The following CARMIL1 variants were observed in gnomAD, a reference collection of about 807,000 sequenced individuals.
CARMIL1 encodes the protein capping protein regulator and myosin 1 linker 1.
A neutral mutation model predicts 177.1 loss-of-function variants in CARMIL1; 90 were observed. The ratio of observed to expected loss-of-function variants is 0.51; its 90% CI spans 0.43 to 0.61. CARMIL1 has a LOEUF of 0.61. CARMIL1 is among the 20% of genes least tolerant of loss of function. The pLI is 0.00. For synonymous variants in CARMIL1, 577 were observed against 606.2 expected (o/e 0.95, Z 0.71); for missense variants, 1,380 against 1,667.0 (o/e 0.83, Z 3.00).
intron 26 of CARMIL1, among the ~76,000 whole-genome samples, chr6:25,544,641 ACACACC>A (rs1321463014): frequency 1.4e-5 from 2 of 143,990 alleles, no homozygotes; most frequent in Admixed American, 7.0e-5. Context: ...ACACACACAC[ACACACC>A]CCAAACACTA....
intron 26 of CARMIL1, among the ~76,000 whole-genome samples, chr6:25,546,155 A>G (rs1158407409): frequency 6.6e-6 from 1 of 152,030 alleles, no homozygotes; most frequent in African/African-American, 2.4e-5. Flanking sequence ...TTTTTTAAAT[A>G]GGGGAAAATA....
At chr6:25,368,902 A>C (rs1430071816) in intron 2 of CARMIL1, among the ~76,000 whole-genome samples, 1 of 152,190 alleles carries the variant, frequency 6.6e-6, no homozygotes, top group Non-Finnish European at 1.5e-5. Context: ...GTTATATAGA[A>C]TGATGTACTT....
chr6:25,472,711 C>T, intron 11 of CARMIL1, 190 bp downstream of exon 11: 1 of 545,782 alleles, frequency 1.8e-6, no homozygotes, highest in South Asian at 2.7e-5. Flanking sequence ...ATCTGCTTCA[C>T]CTTTTTTGAA....
intron 13 of CARMIL1, among the ~76,000 whole-genome samples, chr6:25,490,218 G>A (rs1464678068): frequency 6.6e-6 from 1 of 152,120 alleles, no homozygotes; most frequent in Non-Finnish European, 1.5e-5. Context: ...TTGGAGAAGT[G>A]TGGCCAAATA....
At chr6:25,433,677 A>C (rs1481984126) in intron 4 of CARMIL1, among the ~76,000 whole-genome samples, 2 of 152,226 alleles carry the variant, frequency 1.3e-5, no homozygotes, top group African/African-American at 2.4e-5. Flanking sequence ...TGAGGAATGC[A>C]CTGAAAAATA....
chr6:25,459,797 G>A (rs1322585533), intron 8 of CARMIL1, among the ~76,000 whole-genome samples: 1 of 152,222 alleles, frequency 6.6e-6, no homozygotes, highest in East Asian at 1.9e-4. Context: ...AATGGTAGAA[G>A]TAATGTTTGG....
chr6:25,493,010 C>G (rs17318575), intron 15 of CARMIL1, among the ~76,000 whole-genome samples: 9,064 of 152,110 alleles, frequency 0.06, 342 homozygotes, highest in Non-Finnish European at 0.089. Flanking sequence ...TATATTTTGG[C>G]GAACATTTGA....
At chr6:25,418,907 T>C (rs55676708) in intron 2 of CARMIL1, among the ~76,000 whole-genome samples, 6,442 of 152,324 alleles carry the variant, frequency 0.042, 259 homozygotes, top group South Asian at 0.11. Context: ...ACTTCTCTTC[T>C]CATCTGTCTC....
At chr6:25,495,784 T>C (rs1803645625) in intron 16 of CARMIL1, among the ~76,000 whole-genome samples, 1 of 152,158 alleles carries the variant, frequency 6.6e-6, no homozygotes, top group Non-Finnish European at 1.5e-5. Flanking sequence ...GTTAGCTAAA[T>C]TGAGGTTTGA....
chr6:25,347,805 A>G (rs1175681652), intron 2 of CARMIL1, among the ~76,000 whole-genome samples: 1 of 152,236 alleles, frequency 6.6e-6, no homozygotes, highest in East Asian at 1.9e-4. Flanking sequence ...CAGTTTGTCC[A>G]CTAATGTCCT....
intron 2 of CARMIL1, among the ~76,000 whole-genome samples, chr6:25,341,288 TA>T (rs1447859980): frequency 6.6e-6 from 1 of 151,788 alleles, no homozygotes. Context: ...CCAGAGACAA[TA>T]AAAAAAAGTA....
chr6:25,471,498 G>A (rs1801099369), intron 10 of CARMIL1, among the ~76,000 whole-genome samples: 1 of 152,100 alleles, frequency 6.6e-6, no homozygotes, highest in African/African-American at 2.4e-5. Context: ...GTTTTTAAGA[G>A]CATGGATCCT....
At chr6:25,382,670 G>T (rs547180735) in intron 2 of CARMIL1, among the ~76,000 whole-genome samples, 1 of 152,224 alleles carries the variant, frequency 6.6e-6, no homozygotes, top group East Asian at 1.9e-4. Context: ...TTTACAGAGT[G>T]CTGATTGGTG....
In CARMIL1 at chr6:25,472,539, T is replaced by G. The variant is rs776301854; in HGVS notation, c.874+18T>G. The G allele has an allele frequency of 2.3e-5, 34 of 1,510,442 alleles. No individual in the cohort carries two copies. The highest frequency in any genetic ancestry group is 2.9e-5 in the Non-Finnish European group (32 of 1,108,160). 93.6% of individuals were successfully genotyped at this position (1,510,442 alleles called of 1,614,324 possible). A position where few individuals can be genotyped will look rare whatever the true frequency, so the allele number is the denominator to read the frequency against. ...GGATAGAGGTACTGCAGAGTTCTCA[T>G]TATCATTGATGCCAGAATTGTAAGA... On this transcript the variant is annotated intron_variant, in intron 11 of 36. Coordinates refer to ENST00000329474, the MANE Select transcript of CARMIL1 (RefSeq NM_017640.6).
chr6:25,374,442 A>G (rs753569637), intron 2 of CARMIL1, among the ~76,000 whole-genome samples: 3 of 152,210 alleles, frequency 2.0e-5, no homozygotes, highest in Non-Finnish European at 2.9e-5. Context: ...TTTGTGGCCT[A>G]TCATATGATG....
chr6:25,593,214 C>G (rs1814490370), intron 31 of CARMIL1, among the ~76,000 whole-genome samples: 1 of 152,168 alleles, frequency 6.6e-6, no homozygotes, highest in African/African-American at 2.4e-5. Context: ...TCCATTCTCA[C>G]TTCTCCACTT....
At chr6:25,321,193 T>C (rs189018006) in intron 2 of CARMIL1, among the ~76,000 whole-genome samples, 73 of 152,344 alleles carry the variant, frequency 4.8e-4, no homozygotes, top group Non-Finnish European at 9.8e-4. Context: ...TATATGATAT[T>C]TGGCTAGTAA....
chr6:25,495,276 C>A, intron 16 of CARMIL1, 61 bp downstream of exon 16: 1 of 1,156,906 alleles, frequency 8.6e-7, no homozygotes, highest in Non-Finnish European at 1.2e-6. Flanking sequence ...TACGAATGTG[C>A]TTGAGGGAAG....
chr6:25,508,537 G>A (rs1805142242), intron 17 of CARMIL1, among the ~76,000 whole-genome samples: 1 of 152,174 alleles, frequency 6.6e-6, no homozygotes, highest in African/African-American at 2.4e-5. Context: ...TCTCAAAAAA[G>A]TAGGAATGGC....
Sources: gnomAD v4.1 joint callset for allele counts (sites outside exome capture counted in the v4.1 genomes callset) on GRCh38, gnomAD v4.1.1 for gene constraint, MANE v1.5 for transcripts, NCBI Gene and HGNC (gene_info 2026-07-23, HGNC 2026-07-21) for gene names.